RASAL2: variants seen among roughly 807,000 people sequenced by gnomAD.
RASAL2 encodes the protein ras GTPase-activating protein nGAP.
A neutral mutation model predicts 128.9 loss-of-function variants in RASAL2; 58 were observed. The observed-to-expected ratio is 0.45, with a 90% CI of 0.36 to 0.56. The LOEUF is 0.56. Ranked by LOEUF, RASAL2 falls within the 20% of genes least tolerant of loss-of-function variation. The probability of loss-of-function intolerance (pLI) is 0.00; values close to 1 mark genes in which losing one functional copy is unlikely to be tolerated. For synonymous variants in RASAL2, 561 were observed against 580.8 expected (o/e 0.97, Z 0.49); for missense variants, 1,360 against 1,601.6 (o/e 0.85, Z 2.57).
intron 3 of RASAL2, among the ~76,000 whole-genome samples, chr1:178,376,900 C>T (rs1416279510): frequency 1.3e-5 from 2 of 152,024 alleles, no homozygotes; most frequent in African/African-American, 4.8e-5. Context: ...GCTTTTTTTC[C>T]CTCTTATTCT....
At chr1:178,225,233 A>AAT (rs1321416359) in intron 1 of RASAL2, among the ~76,000 whole-genome samples, 3 of 152,032 alleles carry the variant, frequency 2.0e-5, no homozygotes, top group South Asian at 2.1e-4. Context: ...GTGGATTTTA[A>AAT]ATATATATAT....
chr1:178,212,769 G>T (rs1392588591), intron 1 of RASAL2, among the ~76,000 whole-genome samples: 1 of 152,282 alleles, frequency 6.6e-6, no homozygotes, highest in South Asian at 2.1e-4. Context: ...GGGATTACAG[G>T]CATGAGCCAT....
intron 3 of RASAL2, among the ~76,000 whole-genome samples, chr1:178,358,977 G>A (rs748250202): frequency 1.9e-4 from 29 of 152,058 alleles, no homozygotes; most frequent in Non-Finnish European, 3.2e-4. Flanking sequence ...AAATTATACA[G>A]TAGTCAAATA....
At chr1:178,405,591 T>C (rs1011356733) in intron 4 of RASAL2, among the ~76,000 whole-genome samples, 6 of 152,202 alleles carry the variant, frequency 3.9e-5, no homozygotes, top group African/African-American at 1.4e-4. Context: ...AGCCAAGGAA[T>C]GTGGGTGGCC....
At chr1:178,271,954 A>G (rs1051194009) in intron 1 of RASAL2, among the ~76,000 whole-genome samples, 2 of 152,144 alleles carry the variant, frequency 1.3e-5, no homozygotes, top group African/African-American at 4.8e-5. Context: ...TCTGTGGTTC[A>G]TTTGTCTGAA....
intron 3 of RASAL2, among the ~76,000 whole-genome samples, chr1:178,311,794 G>A (rs1291071950): frequency 6.6e-6 from 1 of 151,716 alleles, no homozygotes; most frequent in Non-Finnish European, 1.5e-5. Flanking sequence ...CTGAAGAAAA[G>A]CCTGAAAGAG....
chr1:178,464,151 TTAAAGC>T, intron 14 of RASAL2, 121 bp from the exon 15 acceptor site: 1 of 1,169,582 alleles, frequency 8.6e-7, no homozygotes, highest in Non-Finnish European at 1.2e-6. Context: ...AAAATAATAC[TTAAAGC>T]TAAGAGCATT....
intron 1 of RASAL2, among the ~76,000 whole-genome samples, chr1:178,211,368 G>A (rs1489331670): frequency 2.0e-5 from 3 of 151,872 alleles, no homozygotes; most frequent in Non-Finnish European, 2.9e-5. Flanking sequence ...TTTCCTGCTC[G>A]TTGCCAGAAA....
At chr1:178,355,352 TA>T (rs1670745227) in intron 3 of RASAL2, among the ~76,000 whole-genome samples, 1 of 152,202 alleles carries the variant, frequency 6.6e-6, no homozygotes, top group South Asian at 2.1e-4. Flanking sequence ...TTACTTATGA[TA>T]AAATTGACAC....
At chr1:178,327,793 T>C (rs1669108292) in intron 3 of RASAL2, among the ~76,000 whole-genome samples, 1 of 151,994 alleles carries the variant, frequency 6.6e-6, no homozygotes, top group South Asian at 2.1e-4. Flanking sequence ...TAATTAAAAA[T>C]CTCAAGATAA....
At chr1:178,359,858 G>A (rs191268575) in intron 3 of RASAL2, among the ~76,000 whole-genome samples, 4 of 152,114 alleles carry the variant, frequency 2.6e-5, no homozygotes, top group East Asian at 3.9e-4. Flanking sequence ...TCTTTTTAGC[G>A]TATGAGACCT....
chr1:178,456,661 A>G (rs757304980), intron 12 of RASAL2, 60 bp from the exon 13 acceptor site: 3 of 1,582,682 alleles, frequency 1.9e-6, no homozygotes, highest in Non-Finnish European at 2.6e-6. Flanking sequence ...TGCCAAAAAC[A>G]ATCTGTGGTG....
At chr1:178,129,084 T>A (rs1660003424) in intron 1 of RASAL2, among the ~76,000 whole-genome samples, 1 of 152,080 alleles carries the variant, frequency 6.6e-6, no homozygotes, top group Admixed American at 6.5e-5. Flanking sequence ...TAGGTTTCAG[T>A]TCTCTTTGGC....
At position 178,242,298 on chromosome 1, in the gene RASAL2, A is replaced by G. The variant is rs368838760; in HGVS notation, c.203-41266A>G. ...CATGAGGATACTTACACGTTCCCAT[A>G]TTTCTGCTTCCTTCCTGATACTCTT... On this transcript the variant is annotated intron_variant, in intron 1 of 17. Transcript: ENST00000367649. Among the ~76,000 whole-genome samples, 39 of 152,170 alleles carry G rather than the reference A, an allele frequency of 2.6e-4. No homozygotes were observed. In the East Asian group the frequency reaches 6.6e-3, roughly 26 times the overall value.
At chr1:178,361,065 T>C (rs1671080135) in intron 3 of RASAL2, among the ~76,000 whole-genome samples, 1 of 152,240 alleles carries the variant, frequency 6.6e-6, no homozygotes, top group Admixed American at 6.5e-5. Context: ...TTTGTCTCTA[T>C]ATTCCACAAA....
At chr1:178,174,750 AC>A (rs1275798209) in intron 1 of RASAL2, among the ~76,000 whole-genome samples, 6 of 152,074 alleles carry the variant, frequency 3.9e-5, no homozygotes, top group African/African-American at 9.7e-5. Context: ...TCATGCACGA[AC>A]CCTTTGACTT....
chr1:178,255,862 G>A (rs1184173172), intron 1 of RASAL2, among the ~76,000 whole-genome samples: 1 of 152,162 alleles, frequency 6.6e-6, no homozygotes, highest in African/African-American at 2.4e-5. Flanking sequence ...AACATGAAAT[G>A]TGAAAGGATT....
At chr1:178,205,056 G>A (rs1016093889) in intron 1 of RASAL2, among the ~76,000 whole-genome samples, 5 of 152,176 alleles carry the variant, frequency 3.3e-5, no homozygotes, top group Admixed American at 1.3e-4. Flanking sequence ...CCAGGCTGGA[G>A]TACAGTGGCA....
At chr1:178,294,047 A>G (rs1281327054) in intron 2 of RASAL2, among the ~76,000 whole-genome samples, 1 of 152,236 alleles carries the variant, frequency 6.6e-6, no homozygotes, top group Non-Finnish European at 1.5e-5. Flanking sequence ...GTATTAAAGA[A>G]TTGCAAGCAA....
Sources: gnomAD v4.1 joint callset for allele counts (sites outside exome capture counted in the v4.1 genomes callset) on GRCh38, gnomAD v4.1.1 for gene constraint, MANE v1.5 for transcripts, NCBI Gene and HGNC (gene_info 2026-07-23, HGNC 2026-07-21) for gene names.